The following EVI5 variants were observed in gnomAD, a reference collection of about 807,000 sequenced individuals.
EVI5 encodes the protein ecotropic viral integration site 5.
A neutral mutation model predicts 112.0 loss-of-function variants in EVI5; 73 were observed. The ratio of observed to expected loss-of-function variants is 0.65; its 90% CI spans 0.54 to 0.79. EVI5 has a LOEUF of 0.79. Among genes scored for constraint, EVI5 ranks in the 30% least tolerant of loss-of-function variants. EVI5 has a pLI of 0.00. For synonymous variants in EVI5, 305 were observed against 319.9 expected, an observed-to-expected ratio of 0.95 and a Z score of 0.50; for missense variants, 900 against 968.8, an observed-to-expected ratio of 0.93 and a Z score of 0.94.
chr1:92,568,209 C>T (rs572608441), intron 18 of EVI5, among the ~76,000 whole-genome samples: 1 of 151,620 alleles, frequency 6.6e-6, no homozygotes, highest in African/African-American at 2.4e-5. Flanking sequence ...CCTGTCTCTA[C>T]AAAAACATTA....
chr1:92,724,614 C>G (rs1235797216), intron 2 of EVI5, among the ~76,000 whole-genome samples: 1 of 152,000 alleles, frequency 6.6e-6, no homozygotes, highest in Admixed American at 6.6e-5. Context: ...TCGAGACAAG[C>G]CTGGACAACA....
chr1:92,642,305 C>T (rs1484766872), intron 13 of EVI5, among the ~76,000 whole-genome samples: 2 of 152,012 alleles, frequency 1.3e-5, no homozygotes, highest in African/African-American at 2.4e-5. Flanking sequence ...ATTAAAGTAA[C>T]GCCTCATTTA....
Position 92,783,248 on chromosome 1 carries a change from A to T in EVI5, c.-82+1588T>A, listed in dbSNP as rs142769724. Among the ~76,000 whole-genome samples, 577 of 152,230 alleles carry T rather than the reference A, an allele frequency of 3.8e-3. 4 individuals carry two copies. Among genetic ancestry groups the T allele is most frequent in the African/African-American group, 0.013 (531 of 41,540 alleles). The stretch of plus-strand genomic sequence containing the variant: ...GAACAGAAAAAAGACCACCTGGGCC[A>T]GGTGCGCTGGCTCACGCCTGTAATC... On this transcript the variant is annotated intron_variant, in intron 1 of 19. Coordinates refer to ENST00000684568, the MANE Select transcript of EVI5 (RefSeq NM_001350197.2).
intron 13 of EVI5, among the ~76,000 whole-genome samples, chr1:92,638,588 A>G (rs74102948): frequency 0.026 from 3,956 of 152,272 alleles, 131 homozygotes; most frequent in African/African-American, 0.074. Flanking sequence ...TTTTATAAAC[A>G]TGTTTTAATG....
chr1:92,595,710 A>T (rs1647613114), intron 18 of EVI5, among the ~76,000 whole-genome samples: 1 of 152,204 alleles, frequency 6.6e-6, no homozygotes, highest in South Asian at 2.1e-4. Flanking sequence ...ATGTCGGGGT[A>T]ACTGGGAAAT....
intron 19 of EVI5, among the ~76,000 whole-genome samples, chr1:92,553,261 G>T (rs1667209901): frequency 6.8e-6 from 1 of 146,366 alleles, no homozygotes; most frequent in Admixed American, 6.9e-5. Flanking sequence ...CTCCCAAGTA[G>T]CTGGAACTAT....
chr1:92,677,092 T>C lies in EVI5; in HGVS notation c.1158+66A>G, dbSNP rs568013037. The C allele has an allele frequency of 8.3e-6, 8 of 963,512 alleles. No homozygotes were observed. The Admixed American group carries it at 1.3e-4, about 16-fold the overall frequency. 59.7% of individuals were successfully genotyped at this position (963,512 alleles called of 1,614,324 possible). On this transcript the variant is annotated intron_variant, in intron 10 of 19. Transcript: ENST00000684568. The stretch of plus-strand genomic sequence containing the variant: ...TTATGAATATAAGAAGTACAAACTT[T>C]AAACATCTACTGTCCAATAATTGAT...
At chr1:92,627,177 C>T (rs756135828) in intron 14 of EVI5, among the ~76,000 whole-genome samples, 2 of 152,146 alleles carry the variant, frequency 1.3e-5, no homozygotes, top group Non-Finnish European at 2.9e-5. Flanking sequence ...CACTCTTCCC[C>T]ACAAGTCCTC....
chr1:92,653,516 C>T (rs1048823867), intron 13 of EVI5, among the ~76,000 whole-genome samples: 1 of 152,194 alleles, frequency 6.6e-6, no homozygotes, highest in African/African-American at 2.4e-5. Context: ...AGTGCTCAGA[C>T]CCAGGCATGG....
chr1:92,584,947 G>C (rs555822945), intron 18 of EVI5, among the ~76,000 whole-genome samples: 6 of 152,096 alleles, frequency 3.9e-5, no homozygotes, highest in Non-Finnish European at 8.8e-5. Flanking sequence ...CCCAAGGCCG[G>C]GTGTGGTGGC....
intron 14 of EVI5, 102 bp downstream of exon 14, chr1:92,636,100 T>A: frequency 1.1e-6 from 1 of 925,666 alleles, no homozygotes; most frequent in Non-Finnish European, 1.6e-6. Flanking sequence ...AGGCTTCTAA[T>A]GTATAAAAAC....
intron 1 of EVI5, among the ~76,000 whole-genome samples, chr1:92,746,711 A>G (rs1679297361): frequency 6.6e-6 from 1 of 152,086 alleles, no homozygotes; most frequent in Non-Finnish European, 1.5e-5. Context: ...TGGGCAATAG[A>G]GCGAGACCCT....
intron 2 of EVI5, among the ~76,000 whole-genome samples, chr1:92,725,452 A>C (rs1182975702): frequency 6.6e-6 from 1 of 152,232 alleles, no homozygotes; most frequent in African/African-American, 2.4e-5. Context: ...ATAGGAAAAT[A>C]GAAAATAGTC....
intron 16 of EVI5, among the ~76,000 whole-genome samples, chr1:92,615,008 G>T (rs1652787222): frequency 6.6e-6 from 1 of 151,692 alleles, no homozygotes; most frequent in South Asian, 2.1e-4. Context: ...TTCTTAAATT[G>T]GTTTGGGGGT....
intron 2 of EVI5, among the ~76,000 whole-genome samples, chr1:92,716,742 G>C (rs1171059076): frequency 6.6e-6 from 1 of 151,596 alleles, no homozygotes; most frequent in Non-Finnish European, 1.5e-5. Context: ...TAGACGAATG[G>C]CTAACTAGAA....
intron 18 of EVI5, among the ~76,000 whole-genome samples, chr1:92,600,810 A>G (rs1026980771): frequency 6.6e-6 from 1 of 152,178 alleles, no homozygotes; most frequent in Non-Finnish European, 1.5e-5. Flanking sequence ...CTAACAGGCC[A>G]TGGACTGATA....
intron 18 of EVI5, among the ~76,000 whole-genome samples, chr1:92,594,008 T>G (rs1215892538): frequency 6.6e-6 from 1 of 152,214 alleles, no homozygotes; most frequent in Non-Finnish European, 1.5e-5. Context: ...AGGTAATTTA[T>G]AGATTCAATG....
chr1:92,546,474 G>A (rs1246315929), intron 19 of EVI5, among the ~76,000 whole-genome samples: 2 of 152,090 alleles, frequency 1.3e-5, no homozygotes, highest in South Asian at 2.1e-4. Flanking sequence ...CGAGGCGGGT[G>A]GATCACAAGG....
upstream of EVI5, among the ~76,000 whole-genome samples, chr1:92,787,731 T>C (rs1324399802): frequency 1.3e-5 from 2 of 148,676 alleles, no homozygotes; most frequent in Non-Finnish European, 1.5e-5. Context: ...CAGAGAAAGA[T>C]CTTGTCTCAA....
Sources: allele counts gnomAD v4.1 joint callset (sites outside exome capture counted in the v4.1 genomes callset), GRCh38; gene constraint gnomAD v4.1.1; transcripts MANE v1.5; gene names NCBI Gene and HGNC (gene_info 2026-07-23, HGNC 2026-07-21).